Variants in THSD7A observed in about 807,000 individuals in gnomAD.
The protein encoded by THSD7A is thrombospondin type 1 domain containing 7A.
THSD7A carries 96 observed loss-of-function variants against 231.3 expected under a neutral mutation model. The ratio of observed to expected loss-of-function variants is 0.41; its 90% CI spans 0.35 to 0.49. The LOEUF (loss-of-function observed/expected upper bound fraction) is 0.49, where lower values mean the gene tolerates loss of function less well. THSD7A is among the 20% of genes least tolerant of loss of function. The pLI is 0.05. For missense variants in THSD7A, 2,290 were observed against 2,070.2 expected (o/e 1.11, Z -2.06); for synonymous variants, 940 against 743.3 (o/e 1.26, Z -4.30).
intron 4 of THSD7A, 94 bp from the exon 5 acceptor site, chr7:11,543,211 C>T: frequency 8.6e-7 from 1 of 1,159,198 alleles, no homozygotes; most frequent in East Asian, 2.4e-5. Context: ...AAAGGAAAAT[C>T]CTTAAAGAAG....
Position 11,761,627 on chromosome 7 carries a change from C to T in THSD7A, c.190+70130G>A, listed in dbSNP as rs75328187. 3.6e-3 allele frequency among the ~76,000 whole-genome samples: 543 copies of T among 152,074 alleles called. 4 individuals are homozygous for T. Among genetic ancestry groups the T allele is most frequent in the African/African-American group, 0.012 (516 of 41,532 alleles). On this transcript the variant is annotated intron_variant, in intron 1 of 27. Coordinates refer to ENST00000423059, the MANE Select transcript of THSD7A (RefSeq NM_015204.3). ...GTTTGTAGTACTTCTTATCATTTAC[C>T]ATCTATGGTTGCAAATACCTTCCAA... is the stretch of plus-strand genomic sequence containing the variant.
At chr7:11,639,657 G>A (rs1020487625) in intron 1 of THSD7A, among the ~76,000 whole-genome samples, 2 of 150,240 alleles carry the variant, frequency 1.3e-5, no homozygotes, top group Non-Finnish European at 3.0e-5. Flanking sequence ...AACAGATTGA[G>A]ACTCCGTCTC....
At chr7:11,572,612 A>G (rs1045326517) in intron 4 of THSD7A, among the ~76,000 whole-genome samples, 1 of 151,842 alleles carries the variant, frequency 6.6e-6, no homozygotes, top group African/African-American at 2.4e-5. Flanking sequence ...AGGCTCAGTG[A>G]TCCTCCCACC....
intron 16 of THSD7A, among the ~76,000 whole-genome samples, chr7:11,424,259 A>G (rs1784245124): frequency 6.6e-6 from 1 of 152,174 alleles, no homozygotes; most frequent in Non-Finnish European, 1.5e-5. Context: ...ACAGAAGAAC[A>G]AGTGACACGC....
chr7:11,737,183 C>A (rs1474731276), intron 1 of THSD7A, among the ~76,000 whole-genome samples: 1 of 152,004 alleles, frequency 6.6e-6, no homozygotes, highest in South Asian at 2.1e-4. Context: ...GTATTTATTT[C>A]ATTTTGCTGA....
chr7:11,599,669 T>C (rs1432910344), intron 2 of THSD7A, among the ~76,000 whole-genome samples: 2 of 152,174 alleles, frequency 1.3e-5, no homozygotes, highest in Admixed American at 1.3e-4. Context: ...ACTATTGTCT[T>C]TATTTTAAGA....
At position 11,590,294 on chromosome 7, in the gene THSD7A, T is replaced by C. The variant is rs1780101098; in HGVS notation, c.1453+166A>G. Among the ~76,000 whole-genome samples, 1 of 152,200 alleles carries C rather than the reference T, an allele frequency of 6.6e-6. No homozygotes were observed. ...CAAAGATGGAATTGTGTTAAATATT[T>C]TCACAACCATAATGTGGATTACTGT... On this transcript the variant is annotated intron_variant, in intron 4 of 27. Coordinates refer to ENST00000423059, the MANE Select transcript of THSD7A (RefSeq NM_015204.3). The surrounding 1 kb of genome is among the most constrained non-coding windows in gnomAD (Gnocchi z 4.4).
chr7:11,672,490 CTCATTCTATTATTCTT>C (rs1166814727), intron 1 of THSD7A, among the ~76,000 whole-genome samples: 1 of 150,334 alleles, frequency 6.7e-6, no homozygotes, highest in East Asian at 1.9e-4. Context: ...ATAATTATTA[CTCATTCTATTATTCTT>C]TCATTTTAAA....
chr7:11,503,851 A>ATT (rs1161032574), intron 6 of THSD7A, among the ~76,000 whole-genome samples: 1 of 152,210 alleles, frequency 6.6e-6, no homozygotes, highest in Non-Finnish European at 1.5e-5. Flanking sequence ...ATGCTTATAC[A>ATT]TTGTTGGTAG....
chr7:11,827,525 G>C (rs931067916), intron 1 of THSD7A, among the ~76,000 whole-genome samples: 6 of 151,876 alleles, frequency 4.0e-5, no homozygotes, highest in African/African-American at 1.2e-4. Context: ...CATTTGCCTT[G>C]TACCTTTTCT....
intron 17 of THSD7A, among the ~76,000 whole-genome samples, chr7:11,414,286 T>G (rs2115390437): frequency 1.3e-5 from 2 of 152,336 alleles, no homozygotes; most frequent in South Asian, 4.1e-4. Context: ...CTTTTGACAT[T>G]AGAGCACTGA....
intron 22 of THSD7A, among the ~76,000 whole-genome samples, chr7:11,404,775 A>AT (rs1482765265): frequency 6.6e-6 from 1 of 151,766 alleles, no homozygotes; most frequent in East Asian, 1.9e-4. Flanking sequence ...ATTCTATTTT[A>AT]TTTTTTATTG....
At chr7:11,767,191 G>A (rs1783057282) in intron 1 of THSD7A, among the ~76,000 whole-genome samples, 1 of 152,030 alleles carries the variant, frequency 6.6e-6, no homozygotes, top group African/African-American at 2.4e-5. Context: ...GTTTTTTGGG[G>A]TTTCAGAAAA....
chr7:11,598,268 T>G (rs575886782), intron 2 of THSD7A, among the ~76,000 whole-genome samples: 12 of 151,914 alleles, frequency 7.9e-5, no homozygotes, highest in Non-Finnish European at 1.3e-4. Flanking sequence ...GGGGAAGAGG[T>G]GTATGGATGA....
At chr7:11,568,624 CAAAAAAAAAAAAAAAAAAAA>C (rs33930587) in intron 4 of THSD7A, among the ~76,000 whole-genome samples, 9 of 48,986 alleles carry the variant, frequency 1.8e-4, no homozygotes, top group African/African-American at 5.6e-4. Context: ...AACTCCGTCT[CAAAAAAAAAAAAAAAAAAAA>C]AAAAAAAAAA....
intron 1 of THSD7A, among the ~76,000 whole-genome samples, chr7:11,694,369 A>G (rs534424486): frequency 6.6e-6 from 1 of 151,698 alleles, no homozygotes; most frequent in East Asian, 2.0e-4. Flanking sequence ...GGAAATGAAC[A>G]TGATTCAGAT....
At position 11,430,673 on chromosome 7, in the gene THSD7A, G is replaced by A. The variant is rs112656916; in HGVS notation, c.3065-1548C>T. On this transcript the variant is annotated intron_variant, in intron 13 of 27. Transcript: ENST00000423059. ...ATATTTTATAGAGATGAGGTGTTAC[G>A]GTGTTGCTCAGGTTGGTCTGGAACT... 3.9e-5 allele frequency among the ~76,000 whole-genome samples: 6 copies of A among 152,040 alleles called. 2 individuals carry two copies. The highest frequency in any genetic ancestry group is 1.4e-4 in the African/African-American group (6 of 41,460).
chr7:11,428,216 A>G (rs1784379446), intron 14 of THSD7A, among the ~76,000 whole-genome samples: 1 of 152,220 alleles, frequency 6.6e-6, no homozygotes, highest in South Asian at 2.1e-4. Context: ...CACATAATAA[A>G]TGAAATTATT....
chr7:11,546,202 G>GCGCA (rs761841418), intron 4 of THSD7A, among the ~76,000 whole-genome samples: 246 of 129,448 alleles, frequency 1.9e-3, no homozygotes, highest in African/African-American at 6.2e-3. Context: ...GTGGGCGCGC[G>GCGCA]CTCACACACA....
Sources: allele counts gnomAD v4.1 joint callset (sites outside exome capture counted in the v4.1 genomes callset), GRCh38; gene constraint gnomAD v4.1.1; non-coding constraint Gnocchi (gnomAD v3.1); transcripts MANE v1.5; gene names NCBI Gene and HGNC (gene_info 2026-07-23, HGNC 2026-07-21).